Variants in HSD17B7 observed in about 807,000 individuals in gnomAD.
HSD17B7 encodes hydroxysteroid 17-beta dehydrogenase 7.
A neutral mutation model predicts 34.1 loss-of-function variants in HSD17B7; 17 were observed. The observed-to-expected ratio is 0.50, with a 90% confidence interval of 0.34 to 0.75. HSD17B7 has a LOEUF of 0.75. HSD17B7 is among the 30% of genes least tolerant of loss of function. HSD17B7 has a pLI of 0.01. For missense variants in HSD17B7, 296 were observed against 406.6 expected, an observed-to-expected ratio of 0.73 and a Z score of 2.34; for synonymous variants, 122 against 154.6, an observed-to-expected ratio of 0.79 and a Z score of 1.56.
At chr1:162,797,258 T>C (rs1385266232) in intron 3 of HSD17B7, 2 of 157,870 alleles carry the variant, frequency 1.3e-5, no homozygotes, top group Non-Finnish European at 2.8e-5. Context: ...TTTACTTCTT[T>C]TCCATTAAAA....
intron 1 of HSD17B7, among the ~76,000 whole-genome samples, chr1:162,792,258 G>A (rs963579091): frequency 6.6e-6 from 1 of 152,144 alleles, no homozygotes. Context: ...AGACAGCAAA[G>A]TCAAAATGCA....
chr1:162,806,999 G>A (rs1649001596), intron 8 of HSD17B7, among the ~76,000 whole-genome samples: 1 of 152,120 alleles, frequency 6.6e-6, no homozygotes, highest in African/African-American at 2.4e-5. Flanking sequence ...TATACTTTAA[G>A]TTCTAGAGTA....
intron 5 of HSD17B7, among the ~76,000 whole-genome samples, chr1:162,801,382 C>G (rs12067455): frequency 0.061 from 9,224 of 152,154 alleles, 639 homozygotes; most frequent in African/African-American, 0.17. Flanking sequence ...CCTCAGTTTC[C>G]TCATCTGAAA....
intron 2 of HSD17B7, 169 bp downstream of exon 2, chr1:162,793,031 C>CTTTTTTTTTT: frequency 8.5e-6 from 3 of 351,932 alleles, no homozygotes; most frequent in East Asian, 5.6e-5. Flanking sequence ...CGTTTTCTTT[C>CTTTTTTTTTT]TTTTTTTTTT....
At chr1:162,810,632 T>G (rs1178015197) in intron 8 of HSD17B7, among the ~76,000 whole-genome samples, 1 of 142,646 alleles carries the variant, frequency 7.0e-6, no homozygotes, top group Non-Finnish European at 1.5e-5. Context: ...ATCTGGGTGC[T>G]CCTGTACTGG....
chr1:162,805,882 C>T (rs115528682), intron 8 of HSD17B7, among the ~76,000 whole-genome samples: 1,856 of 152,200 alleles, frequency 0.012, 28 homozygotes, highest in African/African-American at 0.042. Context: ...AGGGTCATAC[C>T]CCATTTCCTA....
chr1:162,810,355 A>G (rs1649133825), intron 8 of HSD17B7, among the ~76,000 whole-genome samples: 1 of 152,078 alleles, frequency 6.6e-6, no homozygotes, highest in African/African-American at 2.4e-5. Context: ...TTGCTGAGGA[A>G]TGCTTTACTT....
chr1:162,790,819 A>G lies in HSD17B7; in HGVS notation c.19A>G (p.Ile7Val). ...CGCGAAGATGCGAAAGGTGGTTTTG[A>G]TCACCGGGGCTAGCAGGTGAGGCCT... is the stretch of plus-strand genomic sequence containing the variant. MRKVVL[I>V]TGASSGIGLA... is the part of the protein sequence containing the mutation. Residue 7 changes from isoleucine to valine, a missense_variant, in exon 1 of 9, where the codon ATC becomes GTC. By Grantham distance (29) the Ile-to-Val change is conservative (BLOSUM62 3). Coordinates refer to ENST00000254521, the MANE Select transcript of HSD17B7 (RefSeq NM_016371.4). 1.2e-6 allele frequency: 2 copies of G among 1,613,744 alleles called. No individual in the cohort carries two copies. The highest frequency in any genetic ancestry group is 1.1e-5 in the South Asian group (1 of 90,962).
chr1:162,792,669 C>T lies in HSD17B7; in HGVS notation c.46C>T (p.Leu16=), dbSNP rs748791077. Residue 16 remains leucine (L), a synonymous_variant, in exon 2 of 9, where the codon CTG becomes TTG. Transcript: ENST00000254521. ...LITGASSGIG[L]ALCKRLLAED... ...GAATTGTCCTCCCAGTGGCATTGGC[C>T]TGGCCCTCTGCAAGCGGCTGCTGGC... is the stretch of plus-strand genomic sequence containing the variant. 4.3e-6 allele frequency: 7 copies of T among 1,612,484 alleles called. No homozygotes were observed. The East Asian group carries it at 1.6e-4, about 36-fold the overall frequency.
chr1:162,809,269 G>A (rs1342511620), intron 8 of HSD17B7, among the ~76,000 whole-genome samples: 13 of 152,102 alleles, frequency 8.5e-5, no homozygotes, highest in African/African-American at 2.4e-4. Flanking sequence ...GCTGGATTAC[G>A]TTTATTGATT....
chr1:162,792,897 T>C, intron 2 of HSD17B7, 35 bp downstream of exon 2: 10 of 1,595,798 alleles, frequency 6.3e-6, no homozygotes, highest in Non-Finnish European at 8.6e-6. Context: ...TTTTCTCATG[T>C]GATTGTGCAG....
At chr1:162,798,989 C>A in intron 4 of HSD17B7, 1 of 80,702 alleles carries the variant, frequency 1.2e-5, no homozygotes, top group Non-Finnish European at 2.4e-5. Context: ...AGTGAAACTC[C>A]GTCTCAAAAA....
intron 5 of HSD17B7, chr1:162,800,316 T>C: frequency 2.2e-6 from 1 of 458,362 alleles, no homozygotes. Flanking sequence ...TCGGAGAACT[T>C]AAGTCATTTA....
intron 8 of HSD17B7, among the ~76,000 whole-genome samples, chr1:162,809,679 C>T (rs1649110083): frequency 6.6e-6 from 1 of 152,078 alleles, no homozygotes; most frequent in South Asian, 2.1e-4. Context: ...TTGACCCCTT[C>T]CTGGTTTAGT....
intron 8 of HSD17B7, among the ~76,000 whole-genome samples, chr1:162,811,339 C>A (rs1649163965): frequency 6.6e-6 from 1 of 152,298 alleles, no homozygotes; most frequent in East Asian, 1.9e-4. Context: ...GATGGGCTTC[C>A]CTTTGTGGGT....
intron 8 of HSD17B7, among the ~76,000 whole-genome samples, chr1:162,806,343 A>G (rs527415405): frequency 6.6e-6 from 1 of 152,170 alleles, no homozygotes; most frequent in Non-Finnish European, 1.5e-5. Flanking sequence ...CGTGAGTTAA[A>G]AGGGGAGCCA....
In HSD17B7 at chr1:162,812,361, A is replaced by T. The variant is rs1260712952; in HGVS notation, c.967A>T (p.Ile323Phe). The T allele has an allele frequency of 6.2e-7, 1 of 1,611,886 alleles. No individual in the cohort carries two copies. The highest frequency in any genetic ancestry group is 1.3e-5 in the African/African-American group (1 of 74,796). ...AAAGTTACTGGAACTGGAAAAGCAC[A>T]TTAGGGTCACTATTCAAAAAACAGA... ...YQKLLELEKH[I>F]RVTIQKTDNQ... Residue 323 changes from isoleucine (I) to phenylalanine (F), a missense_variant, in exon 9 of 9, where the codon ATT becomes TTT. Coordinates refer to ENST00000254521, the MANE Select transcript of HSD17B7 (RefSeq NM_016371.4).
chr1:162,804,975 C>T (rs1464962385), intron 7 of HSD17B7, among the ~76,000 whole-genome samples: 1 of 152,228 alleles, frequency 6.6e-6, no homozygotes, highest in Non-Finnish European at 1.5e-5. Flanking sequence ...CCCACTGTAT[C>T]TGAGTCAGTC....
intron 2 of HSD17B7, among the ~76,000 whole-genome samples, chr1:162,794,247 C>A (rs1213585009): frequency 6.6e-6 from 1 of 152,108 alleles, no homozygotes; most frequent in Non-Finnish European, 1.5e-5. Flanking sequence ...TGGGTAGAAA[C>A]AAGGAAGGCT....
Sources: allele counts gnomAD v4.1 joint callset (sites outside exome capture counted in the v4.1 genomes callset), GRCh38; gene constraint gnomAD v4.1.1; transcripts MANE v1.5; gene names NCBI Gene and HGNC (gene_info 2026-07-23, HGNC 2026-07-21).